Variants in ERICH5 observed in about 807,000 individuals in gnomAD.
ERICH5 encodes the protein glutamate-rich protein 5.
Under a neutral mutation model 28.0 loss-of-function variants are expected in ERICH5, and 24 were observed. The observed-to-expected ratio is 0.86, with a 90% CI of 0.62 to 1.21. The LOEUF is 1.21. Among genes scored for constraint, ERICH5 ranks in the 50% most tolerant of loss-of-function variants. ERICH5 has a pLI of 0.00. For missense variants in ERICH5, 421 were observed against 441.2 expected (o/e 0.95, Z 0.41); for synonymous variants, 163 against 157.6 (o/e 1.03, Z -0.25).
At chr8:98,088,662 ATCT>A (rs761053145) in intron 1 of ERICH5, among the ~76,000 whole-genome samples, 3 of 152,196 alleles carry the variant, frequency 2.0e-5, no homozygotes, top group Non-Finnish European at 4.4e-5. Flanking sequence ...AAGTTTGGGA[ATCT>A]TCTATTGCCC....
chr8:98,091,064 A>C (rs1815374668), intron 2 of ERICH5, among the ~76,000 whole-genome samples: 1 of 152,106 alleles, frequency 6.6e-6, no homozygotes, highest in Admixed American at 6.6e-5. Context: ...CAGCCTCCTG[A>C]GTAGCTGGGA....
chr8:98,087,514 A>G (rs73701238), intron 1 of ERICH5, among the ~76,000 whole-genome samples: 2,742 of 152,276 alleles, frequency 0.018, 80 homozygotes, highest in African/African-American at 0.061. Flanking sequence ...GGGGGAAAAA[A>G]GATGAAGAAA....
intron 1 of ERICH5, among the ~76,000 whole-genome samples, chr8:98,066,476 G>C (rs949075043): frequency 6.6e-6 from 1 of 152,148 alleles, no homozygotes; most frequent in Admixed American, 6.5e-5. Context: ...GTGGAATGCA[G>C]TTTTTAATCC....
intron 2 of ERICH5, among the ~76,000 whole-genome samples, chr8:98,092,610 C>G (rs1162025313): frequency 6.6e-6 from 1 of 152,112 alleles, no homozygotes; most frequent in Non-Finnish European, 1.5e-5. Flanking sequence ...TGGCCATGAA[C>G]TTTCTATTAT....
chr8:98,070,986 G>A (rs535128513), intron 1 of ERICH5, among the ~76,000 whole-genome samples: 44 of 152,298 alleles, frequency 2.9e-4, no homozygotes, highest in African/African-American at 1.0e-3. Flanking sequence ...CTTCTGGGCT[G>A]AGTGCAGTGG....
intron 2 of ERICH5, among the ~76,000 whole-genome samples, chr8:98,091,850 TTCTTTCTTTC>T (rs1414420801): frequency 1.2e-5 from 1 of 83,932 alleles, no homozygotes; most frequent in Non-Finnish European, 2.4e-5. Context: ...CTTTCTTTCT[TTCTTTCTTTC>T]TTTCTTTCTT....
At chr8:98,088,903 A>G (rs1358289343) in intron 1 of ERICH5, among the ~76,000 whole-genome samples, 173 bp from the exon 2 acceptor site, 2 of 152,148 alleles carry the variant, frequency 1.3e-5, no homozygotes, top group African/African-American at 4.8e-5. Flanking sequence ...CAATAAAGGG[A>G]TTTGACTGGG....
chr8:98,064,585 C>G lies in ERICH5; in HGVS notation c.-85C>G. ...CGGGCTGCAGAGCTGGAGAAACTTC[C>G]GCGGCTACGGGTGCAGTTGCCTTCG... On this transcript the variant is annotated 5_prime_UTR_variant, in exon 1 of 3. Transcript: ENST00000318528. The G allele has an allele frequency of 8.2e-7, 1 of 1,221,756 alleles. No homozygotes were observed. The highest frequency in any genetic ancestry group is 1.1e-6 in the Non-Finnish European group (1 of 899,006). The allele number at this position is 1,221,756 out of a possible 1,614,324, so 75.7% of individuals were successfully genotyped here. A position where few individuals can be genotyped will look rare whatever the true frequency, so the allele number is the denominator to read the frequency against.
chr8:98,079,153 CTTTTTTTTTTTCCTTTTTTTTTT>C (rs1815120411), intron 1 of ERICH5, among the ~76,000 whole-genome samples: 1 of 132,406 alleles, frequency 7.6e-6, no homozygotes, highest in Non-Finnish European at 1.6e-5. Context: ...ACATTTTCCT[CTTTTTTTTTTTCCTTTTTTTTTT>C]TTTTTTTTTT....
At position 98,064,714 on chromosome 8, in the gene ERICH5, C is replaced by T. The variant is rs1204149828; in HGVS notation, c.45C>T (p.Ser15=). 7.8e-6 allele frequency: 12 copies of T among 1,533,348 alleles called. No homozygotes were observed. Among genetic ancestry groups the T allele is most frequent in the Non-Finnish European group, 7.9e-6 (9 of 1,143,194 alleles). 95.0% of individuals were successfully genotyped at this position (1,533,348 alleles called of 1,614,324 possible). Residue 15 remains serine (S), a synonymous_variant, in exon 1 of 3, where the codon AGC becomes AGT. Transcript: ENST00000318528. ...SSALNKAGDS[S]RFPSVTSNEH... is the part of the protein sequence containing the mutation. ...CCCTCAACAAGGCCGGCGACAGCAG[C>T]AGGTTCCCCAGCGGTGAGCAGGGTA...
At chr8:98,092,864 C>T (rs1304542915) in intron 2 of ERICH5, among the ~76,000 whole-genome samples, 2 of 151,796 alleles carry the variant, frequency 1.3e-5, no homozygotes, top group East Asian at 3.9e-4. Context: ...CAACTTCTGC[C>T]TCCCGGCTTC....
At chr8:98,087,814 T>C (rs762550362) in intron 1 of ERICH5, among the ~76,000 whole-genome samples, 1 of 152,236 alleles carries the variant, frequency 6.6e-6, no homozygotes, top group Non-Finnish European at 1.5e-5. Flanking sequence ...TTTTAGCATA[T>C]GGTCTTCATA....
At chr8:98,082,419 G>A (rs1270751134) in intron 1 of ERICH5, among the ~76,000 whole-genome samples, 13 of 152,144 alleles carry the variant, frequency 8.5e-5, no homozygotes, top group Non-Finnish European at 2.9e-5. Flanking sequence ...GTGGAGGTGG[G>A]TGGATCACCT....
chr8:98,086,843 C>A (rs934727207), intron 1 of ERICH5, among the ~76,000 whole-genome samples: 4 of 148,878 alleles, frequency 2.7e-5, no homozygotes, highest in Non-Finnish European at 5.9e-5. Flanking sequence ...CCCAGCTACT[C>A]GGGAGGCTGA....
intron 1 of ERICH5, among the ~76,000 whole-genome samples, chr8:98,079,835 G>A (rs376725996): frequency 1.4e-4 from 21 of 152,186 alleles, no homozygotes; most frequent in South Asian, 8.3e-4. Context: ...TACCGTGCCC[G>A]GCCTACTTTT....
intron 1 of ERICH5, among the ~76,000 whole-genome samples, chr8:98,074,441 T>TG (rs1815013216): frequency 6.9e-6 from 1 of 144,872 alleles, no homozygotes; most frequent in East Asian, 2.0e-4. Context: ...TTTTTTTTTT[T>TG]GAGACAGGGT....
chr8:98,093,411 T>G lies in ERICH5; in HGVS notation c.*78T>G. The stretch of plus-strand genomic sequence containing the variant: ...GTGAAGCTTGTGGTTATGTATCTTA[T>G]CTTTCTACATTTACATGTTTTCTGT... On this transcript the variant is annotated 3_prime_UTR_variant, in exon 3 of 3. Coordinates refer to ENST00000318528, the MANE Select transcript of ERICH5 (RefSeq NM_173549.3). 1 of 903,672 alleles carries G rather than the reference T, an allele frequency of 1.1e-6. No homozygotes were observed. Among genetic ancestry groups the G allele is most frequent in the Non-Finnish European group, 1.7e-6 (1 of 578,244 alleles). The allele number at this position is 903,672 out of a possible 1,614,324, so 56.0% of individuals were successfully genotyped here.
chr8:98,070,463 C>T (rs937680713), intron 1 of ERICH5, among the ~76,000 whole-genome samples: 1 of 151,344 alleles, frequency 6.6e-6, no homozygotes, highest in African/African-American at 2.4e-5. Flanking sequence ...TCGAGACCAG[C>T]CTGACCAACA....
At chr8:98,092,811 T>C (rs563649922) in intron 2 of ERICH5, among the ~76,000 whole-genome samples, 1 of 151,506 alleles carries the variant, frequency 6.6e-6, no homozygotes, top group Non-Finnish European at 1.5e-5. Context: ...AGTCTCGTTC[T>C]GTCGCCCAGA....
Sources: gnomAD v4.1 joint callset for allele counts (sites outside exome capture counted in the v4.1 genomes callset) on GRCh38, gnomAD v4.1.1 for gene constraint, MANE v1.5 for transcripts, NCBI Gene and HGNC (gene_info 2026-07-23, HGNC 2026-07-21) for gene names.